MALRD1: variants seen among roughly 807,000 people sequenced by gnomAD.
MALRD1 encodes the protein MAM and LDL receptor class A domain containing 1.
A neutral mutation model predicts 242.1 loss-of-function variants in MALRD1; 247 were observed. That is an observed-to-expected ratio of 1.02 (90% CI 0.92 to 1.13). The LOEUF is 1.13. MALRD1 is among the 50% of genes most tolerant of loss of function. The probability of loss-of-function intolerance (pLI) is 0.00; values close to 1 mark genes in which losing one functional copy is unlikely to be tolerated. For missense variants in MALRD1, 2,989 were observed against 2,533.1 expected, an observed-to-expected ratio of 1.18 and a Z score of -3.86; for synonymous variants, 995 against 866.6, an observed-to-expected ratio of 1.15 and a Z score of -2.60.
intron 18 of MALRD1, among the ~76,000 whole-genome samples, chr10:19,218,864 A>G (rs1192173519): frequency 6.6e-6 from 1 of 152,126 alleles, no homozygotes; most frequent in African/African-American, 2.4e-5. Flanking sequence ...AAATGAAATC[A>G]TATTATCTTA....
rs117945323 is a variant in MALRD1, at chr10:19,631,532, A to G, written c.6137+15609A>G. Among the ~76,000 whole-genome samples, 399 of 152,284 alleles carry G rather than the reference A, an allele frequency of 2.6e-3. 8 individuals are homozygous for G. The East Asian group carries it at 0.059, about 23-fold the overall frequency. The stretch of plus-strand genomic sequence containing the variant: ...TCCAGTAATGGGATTGCTGGATCCA[A>G]TGGTAGCTCTGTTTTAGTTCTTTGA... On this transcript the variant is annotated intron_variant, in intron 36 of 39. Transcript: ENST00000454679.
At chr10:19,468,586 T>C (rs1836341982) in intron 29 of MALRD1, among the ~76,000 whole-genome samples, 1 of 151,862 alleles carries the variant, frequency 6.6e-6, no homozygotes, top group African/African-American at 2.4e-5. Flanking sequence ...TGAAATAAAG[T>C]TGAGTAGAAT....
intron 2 of MALRD1, among the ~76,000 whole-genome samples, chr10:19,071,480 T>A (rs1280716548): frequency 6.6e-6 from 1 of 152,122 alleles, no homozygotes; most frequent in Non-Finnish European, 1.5e-5. Flanking sequence ...GCTGACAGAA[T>A]TGAATTTGCT....
intron 34 of MALRD1, among the ~76,000 whole-genome samples, chr10:19,602,350 C>T (rs1250029170): frequency 7.6e-6 from 1 of 130,888 alleles, no homozygotes; most frequent in Non-Finnish European, 1.6e-5. Flanking sequence ...CCCCCCTCCC[C>T]CCACCCTATG....
intron 12 of MALRD1, among the ~76,000 whole-genome samples, chr10:19,159,492 G>A (rs1301703568): frequency 6.6e-6 from 1 of 152,054 alleles, no homozygotes. Context: ...GGTGGCTGAG[G>A]GTTTGGAGTA....
intron 32 of MALRD1, among the ~76,000 whole-genome samples, chr10:19,560,338 G>A (rs1433514256): frequency 1.3e-5 from 2 of 152,038 alleles, no homozygotes; most frequent in Non-Finnish European, 1.5e-5. Context: ...CGTGGTGTCA[G>A]GCACCTGTAG....
chr10:19,420,918 G>A lies in MALRD1; in HGVS notation c.4846-29389G>A, dbSNP rs183991898. ...TGCATTTCATTTTTTATGGAAACAG[G>A]GCTACTTGTCTCTTTTGAGTTGCCA... On this transcript the variant is annotated intron_variant, in intron 28 of 39. Coordinates refer to ENST00000454679, the MANE Select transcript of MALRD1 (RefSeq NM_001142308.3). Among the ~76,000 whole-genome samples the A allele has an allele frequency of 7.5e-4, 114 of 152,114 alleles. No individual in the cohort carries two copies. The East Asian group carries it at 0.015, about 20-fold the overall frequency.
intron 13 of MALRD1, among the ~76,000 whole-genome samples, chr10:19,174,974 G>A (rs977386540): frequency 2.6e-5 from 4 of 152,074 alleles, no homozygotes; most frequent in Non-Finnish European, 4.4e-5. Context: ...CGTGATGAAT[G>A]TTACCACTTT....
intron 36 of MALRD1, among the ~76,000 whole-genome samples, chr10:19,686,482 G>C (rs1328910687): frequency 6.6e-6 from 1 of 152,162 alleles, no homozygotes; most frequent in African/African-American, 2.4e-5. Context: ...TTGCTTCTTA[G>C]TGTGCACGTG....
intron 2 of MALRD1, among the ~76,000 whole-genome samples, chr10:19,087,526 T>A (rs538808708): frequency 6.8e-6 from 1 of 147,538 alleles, no homozygotes; most frequent in South Asian, 2.1e-4. Context: ...TCACTCTGAA[T>A]CTAACACGTT....
chr10:19,698,409 C>T (rs1362161839), intron 38 of MALRD1, among the ~76,000 whole-genome samples: 1 of 152,148 alleles, frequency 6.6e-6, no homozygotes, highest in African/African-American at 2.4e-5. Context: ...GGGTCAGGCA[C>T]AAATCCCTGA....
intron 12 of MALRD1, among the ~76,000 whole-genome samples, chr10:19,162,614 A>G (rs764315564): frequency 1.6e-4 from 24 of 152,162 alleles, no homozygotes; most frequent in Admixed American, 9.8e-4. Context: ...CCACAATGAG[A>G]TATCATCTCA....
intron 31 of MALRD1, among the ~76,000 whole-genome samples, chr10:19,513,179 A>G (rs1169569974): frequency 6.6e-6 from 1 of 152,134 alleles, no homozygotes. Flanking sequence ...TGCTTGGGTC[A>G]TGAGGATGGA....
chr10:19,465,396 A>G (rs188472590), intron 29 of MALRD1, among the ~76,000 whole-genome samples: 121 of 152,274 alleles, frequency 7.9e-4, no homozygotes, highest in Non-Finnish European at 1.2e-3. Flanking sequence ...AACATATGTA[A>G]AAGTATGACT....
intron 29 of MALRD1, among the ~76,000 whole-genome samples, chr10:19,478,019 T>A (rs1306062408): frequency 2.0e-5 from 3 of 152,184 alleles, no homozygotes; most frequent in African/African-American, 7.2e-5. Context: ...TTTCTGTGTC[T>A]GCAGCTGAAT....
intron 26 of MALRD1, among the ~76,000 whole-genome samples, chr10:19,360,674 G>T (rs188327407): frequency 6.6e-6 from 1 of 151,970 alleles, no homozygotes; most frequent in Non-Finnish European, 1.5e-5. Context: ...TACTTAAATT[G>T]CTTTTGAATA....
At chr10:19,150,670 A>G (rs972742708) in intron 11 of MALRD1, among the ~76,000 whole-genome samples, 1 of 152,172 alleles carries the variant, frequency 6.6e-6, no homozygotes, top group Non-Finnish European at 1.5e-5. Context: ...ATCTATCACT[A>G]TCTTACATTC....
At chr10:19,078,925 G>C (rs185229041) in intron 2 of MALRD1, among the ~76,000 whole-genome samples, 188 of 151,616 alleles carry the variant, frequency 1.2e-3, no homozygotes, top group African/African-American at 4.0e-3. Flanking sequence ...GGTTCATCTA[G>C]TGAAAAGTTT....
intron 21 of MALRD1, among the ~76,000 whole-genome samples, chr10:19,315,230 A>G (rs1842615164): frequency 9.5e-6 from 1 of 105,054 alleles, no homozygotes; most frequent in Non-Finnish European, 1.7e-5. Flanking sequence ...ATATAAATAT[A>G]ATTTATAGAA....
Sources: gnomAD v4.1 joint callset for allele counts (sites outside exome capture counted in the v4.1 genomes callset) on GRCh38, gnomAD v4.1.1 for gene constraint, MANE v1.5 for transcripts, NCBI Gene and HGNC (gene_info 2026-07-23, HGNC 2026-07-21) for gene names.